Variants in LRRK2 observed in about 807,000 individuals in gnomAD.
LRRK2 encodes the protein leucine-rich repeat serine/threonine-protein kinase 2.
Under a neutral mutation model 302.6 loss-of-function variants are expected in LRRK2, and 203 were observed. The observed-to-expected ratio is 0.67, with a 90% CI of 0.60 to 0.75. The LOEUF is 0.75. LRRK2 is among the 30% of genes least tolerant of loss of function. The pLI is 0.00. For missense variants in LRRK2, 2,830 were observed against 2,951.0 expected, an observed-to-expected ratio of 0.96 and a Z score of 0.95; for synonymous variants, 1,066 against 1,031.9, an observed-to-expected ratio of 1.03 and a Z score of -0.63.
chr12:40,311,964 G>GTT (rs36111759), intron 31 of LRRK2, among the ~76,000 whole-genome samples: 147 of 149,580 alleles, frequency 9.8e-4, no homozygotes, highest in South Asian at 8.4e-4. Flanking sequence ...TAATCCAGGT[G>GTT]TTTTTTTTTT....
At chr12:40,329,815 C>A (rs1157416039) in intron 39 of LRRK2, among the ~76,000 whole-genome samples, 1 of 152,102 alleles carries the variant, frequency 6.6e-6, no homozygotes, top group African/African-American at 2.4e-5. Context: ...CTCAAGTGAT[C>A]CTCTCACCTT....
Position 40,277,948 on chromosome 12 carries a change from C to T in LRRK2, c.2002C>T (p.His668Tyr). ...LSASFSKLLV[H>Y]HSFDLVIFHQ... is the part of the protein sequence containing the mutation. ...AGCATCTTTTTCTAAGCTGCTGGTG[C>T]ATCATTCATTTGACTTAGTAATATT... Residue 668 changes from histidine (H) to tyrosine (Y), a missense_variant, in exon 17 of 51, where the codon CAT (histidine) becomes TAT (tyrosine). By Grantham distance (83) the His-to-Tyr change is moderately conservative (BLOSUM62 2). Coordinates refer to ENST00000298910, the MANE Select transcript of LRRK2 (RefSeq NM_198578.4). 2 of 1,612,902 alleles carry T rather than the reference C, an allele frequency of 1.2e-6. No individual in the cohort carries two copies. The highest frequency in any genetic ancestry group is 1.7e-6 in the Non-Finnish European group (2 of 1,179,710).
At chr12:40,308,964 G>C in intron 29 of LRRK2, 142 bp from the exon 30 acceptor site, 1 of 1,029,080 alleles carries the variant, frequency 9.7e-7, no homozygotes, top group Non-Finnish European at 1.4e-6. Context: ...ACCCAGAATA[G>C]TTCTCTAAAC....
At chr12:40,345,687 C>T (rs17520445) in intron 41 of LRRK2, among the ~76,000 whole-genome samples, 5,634 of 150,750 alleles carry the variant, frequency 0.037, 353 homozygotes, top group African/African-American at 0.13. Flanking sequence ...CTCATATACC[C>T]GACGCATAAA....
At chr12:40,233,578 T>C (rs1941300224) in intron 3 of LRRK2, among the ~76,000 whole-genome samples, 1 of 152,254 alleles carries the variant, frequency 6.6e-6, no homozygotes, top group Non-Finnish European at 1.5e-5. Context: ...CAATCTAATC[T>C]CTGTAATTCT....
intron 39 of LRRK2, among the ~76,000 whole-genome samples, chr12:40,333,126 C>A (rs1488319955): frequency 6.6e-6 from 1 of 152,076 alleles, no homozygotes. Context: ...TGGATTAGAC[C>A]TCTGTCTGTG....
In LRRK2 at chr12:40,294,896, T is replaced by C. The variant is rs765490749; in HGVS notation, c.2860T>C (p.Ser954Pro). 2.6e-6 allele frequency: 4 copies of C among 1,545,276 alleles called. No individual in the cohort carries two copies. The highest frequency in any genetic ancestry group is 2.3e-5 in the South Asian group (2 of 87,364). The change falls in exon 22 of 51, where the codon TCT becomes CCT. Residue 954 changes from serine to proline, a missense_variant. Ser to Pro is a moderately conservative substitution (Grantham distance 74). Coordinates refer to ENST00000298910, the MANE Select transcript of LRRK2 (RefSeq NM_198578.4). The part of the protein sequence containing the change: ...DLLKRKRKIL[S>P]SDDSLRSSKL... ...ACTGAAGCGAAAAAGAAAAATATTA[T>C]CTTCAGATGATTCACTCAGTAAGTA... is the stretch of plus-strand genomic sequence containing the variant.
At chr12:40,355,552 T>C (rs1946508405) in intron 45 of LRRK2, among the ~76,000 whole-genome samples, 1 of 59,088 alleles carries the variant, frequency 1.7e-5, no homozygotes, top group African/African-American at 4.9e-5. Context: ...TTCTTCTTTT[T>C]TTTTTTTTTG....
At position 40,359,273 on chromosome 12, in the gene LRRK2, CT is replaced by C; in HGVS notation, c.6858del (p.Pro2287LeufsTer2). The C allele has an allele frequency of 6.2e-7, 1 of 1,610,940 alleles. No homozygotes were observed. The highest frequency in any genetic ancestry group is 8.5e-7 in the Non-Finnish European group (1 of 1,178,766). On this transcript the variant is annotated frameshift_variant, in exon 47 of 51. Transcript: ENST00000298910. LOFTEE classifies it high-confidence loss of function. ...EDKTVKLKGAAPLKILNIGNV... is the reference protein window; with the variant it reads ...EDKTVKLKGAXPLKILNIGNV... ...TTTTTGGCAAAGCTTAAAGGAGCTG[CT>C]CCTTTGAAGATACTAAATATAGGAA...
intron 20 of LRRK2, among the ~76,000 whole-genome samples, chr12:40,292,664 A>C (rs1288145067): frequency 1.3e-5 from 2 of 151,914 alleles, no homozygotes; most frequent in African/African-American, 4.8e-5. Flanking sequence ...ATTTATACTG[A>C]ATATTATAAG....
intron 20 of LRRK2, among the ~76,000 whole-genome samples, chr12:40,288,030 A>T (rs192784063): frequency 2.6e-5 from 4 of 152,066 alleles, no homozygotes; most frequent in Admixed American, 1.3e-4. Flanking sequence ...ATAACTTTTT[A>T]AAAAATTAAT....
chr12:40,315,335 T>C (rs1467946713), intron 33 of LRRK2, 35 bp downstream of exon 33: 2 of 1,529,478 alleles, frequency 1.3e-6, no homozygotes, highest in Admixed American at 1.7e-5. Context: ...ACGGGGGTTA[T>C]GGTCAAAGCA....
Position 40,263,808 on chromosome 12 carries a change from G to A in LRRK2, c.1563G>A (p.Arg521=). 2.5e-6 allele frequency: 4 copies of A among 1,612,132 alleles called. No homozygotes were observed. The highest frequency in any genetic ancestry group is 3.3e-4 in the Middle Eastern group (2 of 6,018). The change falls in exon 14 of 51, where the codon AGG becomes AGA. Residue 521 remains arginine, a synonymous_variant. Transcript: ENST00000298910. ...ATTTAGGCATGCCAGAAGAATCCAG[G>A]GAGGATACAGAATTTCATCATAAGC... ...FIVPGMPEES[R]EDTEFHHKLN...
intron 13 of LRRK2, among the ~76,000 whole-genome samples, chr12:40,263,246 A>G (rs1276168507): frequency 2.6e-5 from 4 of 152,210 alleles, no homozygotes; most frequent in African/African-American, 7.2e-5. Context: ...GTAGCTTAAT[A>G]AAGAATATGA....
chr12:40,355,917 G>A (rs1210782811), intron 45 of LRRK2, among the ~76,000 whole-genome samples, 198 bp from the exon 46 acceptor site: 1 of 152,058 alleles, frequency 6.6e-6, no homozygotes, highest in Non-Finnish European at 1.5e-5. Context: ...GTATAAAACT[G>A]GGAAGAGTCT....
chr12:40,327,809 T>C (rs1945596636), intron 38 of LRRK2, among the ~76,000 whole-genome samples: 1 of 152,224 alleles, frequency 6.6e-6, no homozygotes, highest in Non-Finnish European at 1.5e-5. Flanking sequence ...GGCTACACAG[T>C]GGACTGCCAC....
Position 40,346,817 on chromosome 12 carries a change from A to T in LRRK2, c.6174A>T (p.Ser2058=). 1 of 1,613,984 alleles carries T rather than the reference A, an allele frequency of 6.2e-7. No homozygotes were observed. The highest frequency in any genetic ancestry group is 1.3e-5 in the African/African-American group (1 of 75,034). ...VIYNQQADVY[S]FGLLLYDILT... is the part of the protein sequence containing the mutation. ...ATAACCAACAGGCTGATGTTTATTC[A>T]TTTGGTTTACTACTCTATGACATTT... Residue 2058 remains serine, a synonymous_variant, in exon 42 of 51, where the codon TCA becomes TCT. Transcript: ENST00000298910.
chr12:40,246,064 C>T (rs1029077811), intron 7 of LRRK2, among the ~76,000 whole-genome samples: 3 of 151,732 alleles, frequency 2.0e-5, no homozygotes, highest in Non-Finnish European at 2.9e-5. Context: ...TTAATATTCT[C>T]CCATCCAAAA....
chr12:40,354,356 G>A lies in LRRK2; in HGVS notation c.6634G>A (p.Glu2212Lys). The change falls in exon 45 of 51, where the codon GAA becomes AAA. Residue 2212 changes from glutamate to lysine, a missense_variant. Coordinates refer to ENST00000298910, the MANE Select transcript of LRRK2 (RefSeq NM_198578.4). ...LALVHLPVEK[E>K]SWIVSGTQSG... ...CTTGGTGCATCTTCCTGTTGAAAAGGAAAGCTGGATTGTGTCTGGGACACA... is the reference window on the plus strand; with the variant it reads ...CTTGGTGCATCTTCCTGTTGAAAAGAAAAGCTGGATTGTGTCTGGGACACA... The A allele has an allele frequency of 1.2e-6, 2 of 1,614,130 alleles. No homozygotes were observed. Among genetic ancestry groups the A allele is most frequent in the Non-Finnish European group, 1.7e-6 (2 of 1,180,012 alleles).
Sources: allele counts gnomAD v4.1 joint callset (sites outside exome capture counted in the v4.1 genomes callset), GRCh38; gene constraint gnomAD v4.1.1; transcripts MANE v1.5; gene names NCBI Gene and HGNC (gene_info 2026-07-23, HGNC 2026-07-21).